Variants in RBM38 observed in about 807,000 individuals in gnomAD.
RBM38 encodes the protein RNA-binding protein 38.
In RBM38, 11 loss-of-function variants were observed where a neutral mutation model predicts 23.5. The ratio of observed to expected loss-of-function variants is 0.47; its 90% CI spans 0.29 to 0.77. RBM38 has a LOEUF of 0.77. Among genes scored for constraint, RBM38 ranks in the 30% least tolerant of loss-of-function variants. RBM38 has a pLI of 0.08. For synonymous variants in RBM38, 165 were observed against 166.1 expected, an observed-to-expected ratio of 0.99 and a Z score of 0.05; for missense variants, 330 against 351.9, an observed-to-expected ratio of 0.94 and a Z score of 0.50.
At chr20:57,395,518 G>A (rs1034830751) in intron 3 of RBM38, among the ~76,000 whole-genome samples, 3 of 152,172 alleles carry the variant, frequency 2.0e-5, no homozygotes, top group Admixed American at 2.0e-4. Context: ...TGAAGAGGCC[G>A]CAGACTCTAT....
intron 3 of RBM38, among the ~76,000 whole-genome samples, chr20:57,401,822 A>G (rs1219421618): frequency 6.6e-6 from 1 of 152,102 alleles, no homozygotes; most frequent in Non-Finnish European, 1.5e-5. Flanking sequence ...AGTGGAGATG[A>G]GTTAGAAGAG....
chr20:57,407,355 G>A lies in RBM38; in HGVS notation c.417-188G>A, dbSNP rs1160184265. On this transcript the variant is annotated intron_variant, in intron 3 of 3. Transcript: ENST00000356208. This position sits in a 1 kb window ranked among gnomAD's most constrained non-coding sequence, Gnocchi z 4.0. ...AGTGGAGGAGGGAGCCTGGTGGTTA[G>A]TGCAGACAGTCAGTGCGAAGGCCTT... is the stretch of plus-strand genomic sequence containing the variant. Among the ~76,000 whole-genome samples the A allele has an allele frequency of 6.6e-6, 1 of 152,176 alleles. No individual in the cohort carries two copies. Among genetic ancestry groups the A allele is most frequent in the African/African-American group, 2.4e-5 (1 of 41,422 alleles).
intron 3 of RBM38, among the ~76,000 whole-genome samples, chr20:57,395,661 G>T (rs994434830): frequency 6.6e-6 from 1 of 152,220 alleles, no homozygotes; most frequent in East Asian, 1.9e-4. Flanking sequence ...GGGCCTTACT[G>T]AGGTGGGTAG....
chr20:57,405,817 G>T (rs749339115), intron 3 of RBM38, among the ~76,000 whole-genome samples: 2 of 150,380 alleles, frequency 1.3e-5, no homozygotes, highest in Non-Finnish European at 3.0e-5. Flanking sequence ...GAGGGAGCTC[G>T]CAGGGCTCCT....
At chr20:57,405,205 CT>C (rs2067369558) in intron 3 of RBM38, among the ~76,000 whole-genome samples, 1 of 152,224 alleles carries the variant, frequency 6.6e-6, no homozygotes, top group African/African-American at 2.4e-5. Flanking sequence ...GCCCCCCACT[CT>C]GGTTTATGGG....
chr20:57,395,303 G>C (rs2067262652), intron 3 of RBM38, among the ~76,000 whole-genome samples: 1 of 152,074 alleles, frequency 6.6e-6, no homozygotes, highest in African/African-American at 2.4e-5. Flanking sequence ...ACAGGTGGTG[G>C]GTGCCTGAAC....
At chr20:57,393,668 A>C (rs896617662) in intron 3 of RBM38, among the ~76,000 whole-genome samples, 6 of 152,166 alleles carry the variant, frequency 3.9e-5, no homozygotes, top group Non-Finnish European at 8.8e-5. Flanking sequence ...GGCCTGGTGC[A>C]GGTAACGCCC....
rs1445250455 is a variant in RBM38, at chr20:57,408,660, T to C, written c.*814T>C. 1.3e-5 allele frequency: 2 copies of C among 151,864 alleles called. No homozygotes were observed. Among genetic ancestry groups the C allele is most frequent in the Non-Finnish European group, 2.9e-5 (2 of 68,008 alleles). 9.4% of individuals were successfully genotyped at this position (151,864 alleles called of 1,614,324 possible). On this transcript the variant is annotated 3_prime_UTR_variant, in exon 4 of 4. Coordinates refer to ENST00000356208, the MANE Select transcript of RBM38 (RefSeq NM_017495.6). ...ACGATAGTGTTTCTGTATAATAAAG[T>C]GTCTGCCGGCTCGCGGGCCAGGATC...
At chr20:57,400,679 G>T (rs2067318280) in intron 3 of RBM38, among the ~76,000 whole-genome samples, 1 of 152,140 alleles carries the variant, frequency 6.6e-6, no homozygotes, top group African/African-American at 2.4e-5. Flanking sequence ...CCTTGGCTCT[G>T]CCTGGACTTT....
chr20:57,398,450 CAG>C (rs1181105480), intron 3 of RBM38, among the ~76,000 whole-genome samples: 1 of 152,188 alleles, frequency 6.6e-6, no homozygotes, highest in Non-Finnish European at 1.5e-5. Flanking sequence ...AAGCTGAGGT[CAG>C]AGCCAGGCGG....
At position 57,408,986 on chromosome 20, in the gene RBM38, C is replaced by T. The variant is rs2067417777; in HGVS notation, c.*1140C>T. 1 of 152,758 alleles carries T rather than the reference C, an allele frequency of 6.5e-6. No homozygotes were observed. The highest frequency in any genetic ancestry group is 1.5e-5 in the Non-Finnish European group (1 of 68,116). 9.5% of individuals were successfully genotyped at this position (152,758 alleles called of 1,614,324 possible). A position where few individuals can be genotyped will look rare whatever the true frequency, so the allele number is the denominator to read the frequency against. On this transcript the variant is annotated 3_prime_UTR_variant, in exon 4 of 4. Coordinates refer to ENST00000356208, the MANE Select transcript of RBM38 (RefSeq NM_017495.6). ...GTGCAGAAGGGTGCGCCTCTTCCCT[C>T]TACCCCCGCACCACCTGCTGTGTGC...
At chr20:57,392,607 C>G in intron 1 of RBM38, 47 bp from the exon 2 acceptor site, 1 of 1,576,734 alleles carries the variant, frequency 6.3e-7, no homozygotes, top group Non-Finnish European at 8.6e-7. Flanking sequence ...CCCCTTTCGC[C>G]CCTGGTTCCC....
At chr20:57,400,087 C>T in intron 3 of RBM38, 1 of 438,684 alleles carries the variant, frequency 2.3e-6, no homozygotes, top group Non-Finnish European at 4.6e-6. Context: ...AGGCCCAAGC[C>T]CTCTGTCTTG....
intron 3 of RBM38, among the ~76,000 whole-genome samples, chr20:57,404,897 C>T (rs1206524311): frequency 1.3e-5 from 2 of 152,314 alleles, no homozygotes; most frequent in Non-Finnish European, 1.5e-5. Flanking sequence ...GGGCATGGGC[C>T]GGCACCAGGG....
chr20:57,401,041 C>A (rs1227810327), intron 3 of RBM38, among the ~76,000 whole-genome samples: 2 of 152,226 alleles, frequency 1.3e-5, no homozygotes, highest in Admixed American at 1.3e-4. Flanking sequence ...CCCTGATGAG[C>A]ATTGGGTCCC....
At chr20:57,391,952 C>A in intron 1 of RBM38, 134 bp downstream of exon 1, 3 of 427,894 alleles carry the variant, frequency 7.0e-6, no homozygotes, top group Non-Finnish European at 1.1e-5. Flanking sequence ...CCGGCGCCCG[C>A]ACCTGCCGCC....
At chr20:57,402,620 A>T (rs2067340027) in intron 3 of RBM38, among the ~76,000 whole-genome samples, 1 of 152,130 alleles carries the variant, frequency 6.6e-6, no homozygotes. Flanking sequence ...GTGGCACCTG[A>T]GCTTTCTGAG....
At chr20:57,392,452 G>A in intron 1 of RBM38, 1 of 1,532,452 alleles carries the variant, frequency 6.5e-7, no homozygotes, top group East Asian at 2.5e-5. Context: ...TTTGACGGGA[G>A]GAGCTGGAAT....
intron 3 of RBM38, among the ~76,000 whole-genome samples, chr20:57,398,145 G>A (rs183400061): frequency 1.2e-4 from 18 of 152,272 alleles, no homozygotes; most frequent in Admixed American, 1.1e-3. Context: ...AGGAGGTAGG[G>A]TACACAGGAT....
Sources: gnomAD v4.1 joint callset for allele counts (sites outside exome capture counted in the v4.1 genomes callset) on GRCh38, gnomAD v4.1.1 for gene constraint, Gnocchi (gnomAD v3.1) non-coding constraint, MANE v1.5 for transcripts, NCBI Gene and HGNC (gene_info 2026-07-23, HGNC 2026-07-21) for gene names.